The following UNC13C variants were observed in gnomAD, a reference collection of about 807,000 sequenced individuals.
The protein encoded by UNC13C is protein unc-13 homolog C.
A neutral mutation model predicts 245.4 loss-of-function variants in UNC13C; 174 were observed. The observed-to-expected ratio is 0.71, with a 90% CI of 0.63 to 0.80. UNC13C has a LOEUF of 0.80. UNC13C is among the 30% of genes least tolerant of loss of function. The pLI is 0.00. For synonymous variants in UNC13C, 992 were observed against 895.1 expected, an observed-to-expected ratio of 1.11 and a Z score of -1.93; for missense variants, 2,829 against 2,602.9, an observed-to-expected ratio of 1.09 and a Z score of -1.89.
chr15:53,879,412 C>T, the UNC13C span, among the ~76,000 whole-genome samples: 1 of 152,168 alleles, frequency 6.6e-6, no homozygotes, highest in Non-Finnish European at 1.5e-5. Flanking sequence ...ATCTTCCCAC[C>T]TTGGCTTCCC....
At chr15:53,847,892 G>C in the UNC13C span, among the ~76,000 whole-genome samples, 4 of 152,164 alleles carry the variant, frequency 2.6e-5, no homozygotes, top group African/African-American at 7.2e-5. Context: ...TCTGGTGACA[G>C]AGGTAAACAT....
the UNC13C span, among the ~76,000 whole-genome samples, chr15:53,905,433 A>AG: frequency 0.37 from 42,998 of 115,702 alleles, 6,410 homozygotes; most frequent in Middle Eastern, 0.5. Context: ...CACACACACA[A>AG]TGGAATATTG....
chr15:54,427,783 T>A (rs763629945), intron 19 of UNC13C, among the ~76,000 whole-genome samples: 1 of 151,824 alleles, frequency 6.6e-6, no homozygotes, highest in Non-Finnish European at 1.5e-5. Context: ...AGTTATTTGG[T>A]CAGCCTATAC....
At chr15:53,954,822 G>A in the UNC13C span, among the ~76,000 whole-genome samples, 4 of 152,096 alleles carry the variant, frequency 2.6e-5, no homozygotes, top group African/African-American at 7.2e-5. Flanking sequence ...AAAATGCTAC[G>A]GTTAAGTTTG....
intron 2 of UNC13C, among the ~76,000 whole-genome samples, chr15:54,116,933 CATT>C (rs993590676): frequency 2.0e-5 from 3 of 152,050 alleles, no homozygotes; most frequent in Admixed American, 6.6e-5. Flanking sequence ...TTGCCAGCAT[CATT>C]ATTACTGATC....
intron 30 of UNC13C, chr15:54,611,414 C>G (rs1307677708): frequency 6.6e-6 from 1 of 151,960 alleles, no homozygotes; most frequent in Non-Finnish European, 1.5e-5. Context: ...CTGGAGACTC[C>G]CAATTTTCAG....
At chr15:54,202,346 G>GAGACC (rs2034549946) in intron 4 of UNC13C, among the ~76,000 whole-genome samples, 1 of 151,832 alleles carries the variant, frequency 6.6e-6, no homozygotes, top group Admixed American at 6.6e-5. Context: ...AACCAAAAAA[G>GAGACC]AGACCTCATA....
At chr15:54,115,133 A>G (rs2030143826) in intron 2 of UNC13C, among the ~76,000 whole-genome samples, 2 of 151,994 alleles carry the variant, frequency 1.3e-5, no homozygotes, top group African/African-American at 4.8e-5. Flanking sequence ...AATGTGCTTA[A>G]GTTGATCATT....
At chr15:54,462,422 G>T (rs1891896273) in intron 19 of UNC13C, among the ~76,000 whole-genome samples, 1 of 152,184 alleles carries the variant, frequency 6.6e-6, no homozygotes, top group South Asian at 2.1e-4. Flanking sequence ...CAAGGTTGGA[G>T]CTGGCTCCCT....
intron 4 of UNC13C, among the ~76,000 whole-genome samples, chr15:54,209,236 G>C (rs1374581319): frequency 6.6e-6 from 1 of 152,024 alleles, no homozygotes; most frequent in Non-Finnish European, 1.5e-5. Flanking sequence ...AAGGGAAAAG[G>C]GCTCTTGTAT....
chr15:54,043,031 C>T (rs1896880842), intron 2 of UNC13C, among the ~76,000 whole-genome samples: 1 of 152,058 alleles, frequency 6.6e-6, no homozygotes, highest in Non-Finnish European at 1.5e-5. Context: ...TAAGGAAAGG[C>T]TTATAACATG....
chr15:54,201,723 A>T (rs2034529085), intron 4 of UNC13C, among the ~76,000 whole-genome samples: 1 of 152,148 alleles, frequency 6.6e-6, no homozygotes, highest in South Asian at 2.1e-4. Flanking sequence ...AATGGGGAAA[A>T]GTTGAAAGCA....
the UNC13C span, among the ~76,000 whole-genome samples, chr15:53,893,991 G>A: frequency 6.6e-6 from 1 of 152,240 alleles, no homozygotes; most frequent in East Asian, 1.9e-4. Flanking sequence ...GAGGGAATCT[G>A]CTGGTCTGTG....
At chr15:54,016,741 C>G (rs1435070039) in intron 2 of UNC13C, among the ~76,000 whole-genome samples, 1 of 152,202 alleles carries the variant, frequency 6.6e-6, no homozygotes, top group Non-Finnish European at 1.5e-5. Context: ...ATTCCACTCC[C>G]TTACCATTTA....
At chr15:54,455,153 T>C (rs556929256) in intron 19 of UNC13C, among the ~76,000 whole-genome samples, 90 of 117,418 alleles carry the variant, frequency 7.7e-4, no homozygotes, top group African/African-American at 2.0e-3. Flanking sequence ...TTTCTATGGC[T>C]GAGTCATATT....
chr15:54,341,350 C>T (rs971346938), intron 17 of UNC13C, among the ~76,000 whole-genome samples: 6 of 151,982 alleles, frequency 3.9e-5, no homozygotes, highest in Non-Finnish European at 8.8e-5. Flanking sequence ...CAAAATAACG[C>T]AGGAAAGGAA....
intron 30 of UNC13C, among the ~76,000 whole-genome samples, chr15:54,613,334 T>A (rs1203572146): frequency 6.6e-6 from 1 of 151,878 alleles, no homozygotes. Context: ...TATTAAAAAA[T>A]GTCTATTAAA....
At chr15:54,159,446 G>A (rs921136333) in intron 4 of UNC13C, among the ~76,000 whole-genome samples, 3 of 152,192 alleles carry the variant, frequency 2.0e-5, no homozygotes, top group African/African-American at 7.2e-5. Flanking sequence ...TGTCCTTTGA[G>A]TCTTTTTTGA....
rs576106768 is a variant in UNC13C, at chr15:54,014,822, G to A, written c.1919G>A (p.Arg640Gln). 1.9e-5 allele frequency: 30 copies of A among 1,613,826 alleles called. No homozygotes were observed. The highest frequency in any genetic ancestry group is 1.6e-4 in the Middle Eastern group (1 of 6,062). ...SNGMVCASGD[R>Q]SHYSDSQLSL... Reference sequence around the variant, plus strand: ...GGCATGGTGTGTGCATCTGGAGACCGGAGTCATTACAGTGATTCTCAGCTC... The same window carrying A: ...GGCATGGTGTGTGCATCTGGAGACCAGAGTCATTACAGTGATTCTCAGCTC... Residue 640 changes from arginine to glutamine, a missense_variant, in exon 2 of 33, where the codon CGG (arginine) becomes CAG (glutamine). Arg to Gln is a conservative substitution (Grantham distance 43). Coordinates refer to ENST00000260323, the MANE Select transcript of UNC13C (RefSeq NM_001080534.3).
Sources: allele counts gnomAD v4.1 joint callset (sites outside exome capture counted in the v4.1 genomes callset), GRCh38; gene constraint gnomAD v4.1.1; transcripts MANE v1.5; gene names NCBI Gene and HGNC (gene_info 2026-07-23, HGNC 2026-07-21).